PPP4R2: variants seen among roughly 807,000 people sequenced by gnomAD.
PPP4R2 encodes the protein serine/threonine-protein phosphatase 4 regulatory subunit 2.
A neutral mutation model predicts 47.2 loss-of-function variants in PPP4R2; 13 were observed. That is an observed-to-expected ratio of 0.28 (90% confidence interval 0.18 to 0.44). The LOEUF (loss-of-function observed/expected upper bound fraction) is 0.44. Ranked by LOEUF, PPP4R2 falls within the 20% of genes least tolerant of loss-of-function variation. The probability of loss-of-function intolerance (pLI) is 1.00; values close to 1 mark genes in which losing one functional copy is unlikely to be tolerated. For synonymous variants in PPP4R2, 151 were observed against 163.3 expected, an observed-to-expected ratio of 0.92 and a Z score of 0.57; for missense variants, 421 against 491.2, an observed-to-expected ratio of 0.86 and a Z score of 1.35.
rs199756847 is a variant in PPP4R2 at position 73,064,913 on chromosome 3, G to C, written c.700G>C (p.Asp234His). The C allele has an allele frequency of 7.3e-5, 118 of 1,613,798 alleles. No homozygotes were observed. The highest frequency in any genetic ancestry group is 9.7e-5 in the Non-Finnish European group (114 of 1,179,778). ...SVSPLKNKHP[D>H]EDAVEAEGHE... ...GAGCCCTTTGAAAAATAAACATCCA[G>C]ATGAAGATGCTGTGGAAGCTGAGGG... Residue 234 changes from aspartate to histidine, a missense_variant, in exon 8 of 9, where the codon GAT (aspartate) becomes CAT (histidine). By Grantham distance (81) the Asp-to-His change is moderately conservative (BLOSUM62 -1). Transcript: ENST00000356692.
rs373546525 is a variant in PPP4R2 at position 73,036,367 on chromosome 3, A to G, written c.117-10819A>G. ...ATGACTATAGTTAACAATTTATTGT[A>G]TATTTCAAAATAGCTAGAGAAGATT... On this transcript the variant is annotated intron_variant, in intron 2 of 8. Coordinates refer to ENST00000356692, the MANE Select transcript of PPP4R2 (RefSeq NM_174907.4). Among the ~76,000 whole-genome samples the G allele has an allele frequency of 8.5e-4, 129 of 152,322 alleles. 1 individual carries two copies. The highest frequency in any genetic ancestry group is 2.7e-3 in the East Asian group (14 of 5,192).
chr3:73,062,832 G>C (rs1400078933), intron 5 of PPP4R2: 3 of 1,613,756 alleles, frequency 1.9e-6, no homozygotes, highest in Non-Finnish European at 2.5e-6. Flanking sequence ...ATGGGTTGGA[G>C]AATTAATGTT....
rs575671385 is a variant in PPP4R2 at position 73,046,295 on chromosome 3, G to A, written c.117-891G>A. On this transcript the variant is annotated intron_variant, in intron 2 of 8. Transcript: ENST00000356692. Reference sequence around the variant, plus strand: ...AACTGCTACCCTAGTTTATAGGGTTGCTGCATGGGATGGAAGGTGATTACA... The same window carrying A: ...AACTGCTACCCTAGTTTATAGGGTTACTGCATGGGATGGAAGGTGATTACA... 3.9e-5 allele frequency among the ~76,000 whole-genome samples: 6 copies of A among 152,312 alleles called. No homozygotes were observed. In the South Asian group the frequency reaches 1.2e-3, roughly 32 times the overall value.
intron 2 of PPP4R2, among the ~76,000 whole-genome samples, chr3:73,024,029 T>G (rs986891934): frequency 6.6e-6 from 1 of 152,066 alleles, no homozygotes; most frequent in Admixed American, 6.6e-5. Flanking sequence ...TTTAATACTT[T>G]TAAAAGGTAA....
In PPP4R2 at chr3:73,067,485, T is replaced by A. The variant is rs1322898502; in HGVS notation, c.*1763T>A. 6.6e-6 allele frequency: 1 copy of A among 152,196 alleles called. No individual in the cohort carries two copies. Among genetic ancestry groups the A allele is most frequent in the African/African-American group, 2.4e-5 (1 of 41,464 alleles). 9.4% of individuals were successfully genotyped at this position (152,196 alleles called of 1,614,324 possible). On this transcript the variant is annotated 3_prime_UTR_variant, in exon 9 of 9. Transcript: ENST00000356692. ...TAGATGATATATTTATGACTATGTC[T>A]AATAGTTGAAATAAAATCTGAATAT...
At chr3:73,019,979 A>G (rs753221921) in intron 2 of PPP4R2, among the ~76,000 whole-genome samples, 4 of 152,054 alleles carry the variant, frequency 2.6e-5, no homozygotes, top group Admixed American at 6.6e-5. Context: ...AGAGGGCATA[A>G]TTTGGTTGTT....
Position 73,020,570 on chromosome 3 carries a change from T to G in PPP4R2, c.116+22412T>G, listed in dbSNP as rs950258652. Among the ~76,000 whole-genome samples the G allele has an allele frequency of 3.4e-5, 5 of 149,022 alleles. No homozygotes were observed. The South Asian group carries it at 1.1e-3, about 32-fold the overall frequency. On this transcript the variant is annotated intron_variant, in intron 2 of 8. Coordinates refer to ENST00000356692, the MANE Select transcript of PPP4R2 (RefSeq NM_174907.4). ...CTGTAGTCTCAGCTACTCAGGAGGC[T>G]GAGGTGGGAGGATCACTTGAGCCTG... is the stretch of plus-strand genomic sequence containing the variant.
rs1010245706 is a variant in PPP4R2 at position 73,067,571 on chromosome 3, C to G, written c.*1849C>G. On this transcript the variant is annotated 3_prime_UTR_variant, in exon 9 of 9. Coordinates refer to ENST00000356692, the MANE Select transcript of PPP4R2 (RefSeq NM_174907.4). ...CATTGTAAATTTTTAAAAAATTTTT[C>G]AAAAATGTTAAAATGAGGCAAATTT... The G allele has an allele frequency of 4.6e-5, 7 of 151,912 alleles. No individual in the cohort carries two copies. Among genetic ancestry groups the G allele is most frequent in the African/African-American group, 1.7e-4 (7 of 41,386 alleles). The allele number at this position is 151,912 out of a possible 1,614,324, so 9.4% of individuals were successfully genotyped here.
chr3:73,004,302 A>G (rs982082333), intron 2 of PPP4R2, among the ~76,000 whole-genome samples: 11 of 151,520 alleles, frequency 7.3e-5, no homozygotes, highest in African/African-American at 2.4e-4. Flanking sequence ...GTGCCTCCCT[A>G]AGAGCTGGAA....
At chr3:73,000,933 C>T (rs1256959400) in intron 2 of PPP4R2, among the ~76,000 whole-genome samples, 1 of 152,144 alleles carries the variant, frequency 6.6e-6, no homozygotes, top group African/African-American at 2.4e-5. Flanking sequence ...CAATTATTAT[C>T]CTTTTTGACG....
intron 8 of PPP4R2, 59 bp downstream of exon 8, chr3:73,065,200 C>T: frequency 6.8e-7 from 1 of 1,480,594 alleles, no homozygotes. Flanking sequence ...TCTTGTACTT[C>T]ATTTTTTTCG....
intron 7 of PPP4R2, among the ~76,000 whole-genome samples, 195 bp downstream of exon 7, chr3:73,064,341 A>G (rs569804278): frequency 6.4e-4 from 98 of 152,264 alleles, no homozygotes; most frequent in African/African-American, 2.3e-3. Flanking sequence ...AAAACTGCTA[A>G]TTTGTGGAGA....
At chr3:73,013,004 T>G (rs1051272224) in intron 2 of PPP4R2, among the ~76,000 whole-genome samples, 1 of 152,100 alleles carries the variant, frequency 6.6e-6, no homozygotes, top group Admixed American at 6.6e-5. Context: ...CGTGTTTCTT[T>G]TCCTCTTGTG....
chr3:72,999,447 G>C (rs1469732212), intron 2 of PPP4R2, among the ~76,000 whole-genome samples: 1 of 152,156 alleles, frequency 6.6e-6, no homozygotes, highest in Non-Finnish European at 1.5e-5. Flanking sequence ...AGTCGGCACA[G>C]ACTTAGCCCT....
intron 2 of PPP4R2, among the ~76,000 whole-genome samples, chr3:73,029,503 A>G (rs540032041): frequency 6.6e-6 from 1 of 152,304 alleles, no homozygotes; most frequent in African/African-American, 2.4e-5. Flanking sequence ...AAAGAAAGAA[A>G]GGAGTCAGTA....
chr3:73,055,417 C>CGCGTGT (rs1553650808), intron 3 of PPP4R2, among the ~76,000 whole-genome samples: 2 of 137,346 alleles, frequency 1.5e-5, no homozygotes, highest in African/African-American at 2.8e-5. Flanking sequence ...AGTGGGGTAG[C>CGCGTGT]GTGTGTGTGT....
At chr3:73,036,800 G>A (rs1244008899) in intron 2 of PPP4R2, among the ~76,000 whole-genome samples, 4 of 152,130 alleles carry the variant, frequency 2.6e-5, no homozygotes, top group South Asian at 2.1e-4. Flanking sequence ...CTTTAAAGTA[G>A]CAGTGAAAGT....
At chr3:73,062,789 A>G in intron 5 of PPP4R2, 1 of 1,613,978 alleles carries the variant, frequency 6.2e-7, no homozygotes, top group Non-Finnish European at 8.5e-7. Context: ...GCTGCAATGC[A>G]GAATCAGCCA....
intron 3 of PPP4R2, among the ~76,000 whole-genome samples, chr3:73,049,869 C>T (rs1318136109): frequency 6.6e-6 from 1 of 151,848 alleles, no homozygotes; most frequent in African/African-American, 2.4e-5. Flanking sequence ...ATGATTTGAA[C>T]AGTCATTAAA....
Sources: allele counts gnomAD v4.1 joint callset (sites outside exome capture counted in the v4.1 genomes callset), GRCh38; gene constraint gnomAD v4.1.1; transcripts MANE v1.5; gene names NCBI Gene and HGNC (gene_info 2026-07-23, HGNC 2026-07-21).